Variants in ARID1B observed in about 807,000 individuals in gnomAD.
ARID1B encodes AT-rich interactive domain-containing protein 1B.
A neutral mutation model predicts 212.3 loss-of-function variants in ARID1B; 30 were observed. That is an observed-to-expected ratio of 0.14 (90% CI 0.11 to 0.19). The LOEUF is 0.19. Ranked by LOEUF, ARID1B falls within the 10% of genes least tolerant of loss-of-function variation. The probability of loss-of-function intolerance (pLI) is 1.00; values close to 1 mark genes in which losing one functional copy is unlikely to be tolerated. For synonymous variants in ARID1B, 1,402 were observed against 1,301.7 expected (o/e 1.08, Z -1.66); for missense variants, 2,891 against 3,204.0 (o/e 0.90, Z 2.36).
intron 1 of ARID1B, among the ~76,000 whole-genome samples, chr6:156,786,341 T>G (rs534416780): frequency 9.2e-5 from 14 of 152,326 alleles, no homozygotes; most frequent in Admixed American, 3.9e-4. Flanking sequence ...TTTTTACTTT[T>G]TAGTCCTCTG....
intron 4 of ARID1B, among the ~76,000 whole-genome samples, chr6:156,995,937 T>C (rs1472603199): frequency 6.6e-6 from 1 of 152,210 alleles, no homozygotes; most frequent in African/African-American, 2.4e-5. Flanking sequence ...AAGAATTCAC[T>C]TGAGTGATGA....
At chr6:157,044,917 T>C (rs1254952769) in intron 4 of ARID1B, among the ~76,000 whole-genome samples, 1 of 152,130 alleles carries the variant, frequency 6.6e-6, no homozygotes, top group African/African-American at 2.4e-5. Flanking sequence ...GTCTAGAAAA[T>C]ACAGGTTCCA....
chr6:156,998,787 A>G (rs1778751345), intron 4 of ARID1B, among the ~76,000 whole-genome samples: 1 of 152,154 alleles, frequency 6.6e-6, no homozygotes, highest in South Asian at 2.1e-4. Context: ...CAACAACTGC[A>G]TTTTCTCTGG....
intron 2 of ARID1B, among the ~76,000 whole-genome samples, chr6:156,850,044 A>G (rs1050498696): frequency 2.0e-5 from 3 of 148,660 alleles, no homozygotes; most frequent in African/African-American, 7.5e-5. Flanking sequence ...GACAACTTTA[A>G]GCACATAGTT....
chr6:156,987,268 A>G (rs1777979927), intron 4 of ARID1B, among the ~76,000 whole-genome samples: 1 of 152,106 alleles, frequency 6.6e-6, no homozygotes, highest in Non-Finnish European at 1.5e-5. Context: ...CTTCCATTCT[A>G]GAGAGATAAT....
chr6:157,140,722 C>T (rs1176914613), intron 7 of ARID1B: 10 of 398,302 alleles, frequency 2.5e-5, no homozygotes, highest in Admixed American at 4.4e-5. Context: ...CTTGCTGCCT[C>T]GATGTCAGAT....
intron 4 of ARID1B, among the ~76,000 whole-genome samples, chr6:157,003,993 G>A (rs548709808): frequency 2.6e-5 from 4 of 151,700 alleles, no homozygotes; most frequent in Admixed American, 6.6e-5. Flanking sequence ...AAATTAGCCC[G>A]GTGTGGTGGT....
intron 1 of ARID1B, among the ~76,000 whole-genome samples, chr6:156,817,023 T>G (rs1481712079): frequency 6.6e-6 from 1 of 151,472 alleles, no homozygotes. Flanking sequence ...GAAGGGAAGA[T>G]TCTAGAATTA....
Position 157,004,897 on chromosome 6 carries a change from CTTTTTTTTTT to C in ARID1B, c.2247+69346_2247+69355del, listed in dbSNP as rs1177807875. Among the ~76,000 whole-genome samples, 21 of 54,722 alleles carry C rather than the reference CTTTTTTTTTT, an allele frequency of 3.8e-4. 1 individual carries two copies. Among genetic ancestry groups the C allele is most frequent in the South Asian group, 2.7e-3 (6 of 2,234 alleles). The allele number at this position is 54,722 out of a possible 152,430, so 35.9% of individuals were successfully genotyped here. On this transcript the variant is annotated intron_variant, in intron 4 of 19. Transcript: ENST00000636930. ...TTTTTTCTTTTTCTTCTTCTTTTTT[CTTTTTTTTTT>C]TTTTTTTTTTTTTTTTTTTTTTTTG... is the stretch of plus-strand genomic sequence containing the variant.
chr6:157,152,562 A>G (rs1447489114), intron 8 of ARID1B, among the ~76,000 whole-genome samples: 1 of 152,194 alleles, frequency 6.6e-6, no homozygotes, highest in Non-Finnish European at 1.5e-5. Context: ...TTTTATTTCT[A>G]TTTTAAATCT....
intron 8 of ARID1B, among the ~76,000 whole-genome samples, chr6:157,159,994 A>C (rs1163435286): frequency 6.6e-6 from 1 of 152,218 alleles, no homozygotes; most frequent in Non-Finnish European, 1.5e-5. Context: ...TCAGCTACCA[A>C]AGGTTTTGGG....
Position 157,181,094 on chromosome 6 carries a change from C to G in ARID1B, c.3630C>G (p.Val1210=), listed in dbSNP as rs2128317343. The G allele has an allele frequency of 6.2e-7, 1 of 1,614,232 alleles. No individual in the cohort carries two copies. The highest frequency in any genetic ancestry group is 8.5e-7 in the Non-Finnish European group (1 of 1,180,044). Residue 1210 remains valine, a synonymous_variant, in exon 12 of 20, where the codon GTC becomes GTG. Coordinates refer to ENST00000636930, the MANE Select transcript of ARID1B (RefSeq NM_001374828.1). ...TCATGGAAGAGAGAGGCTCTCCTGT[C>G]TCAAGTCTGCCTGCCGTGGGCAAGA... ...LTFMEERGSP[V]SSLPAVGKKP...
At chr6:157,079,027 C>A (rs916911156) in intron 4 of ARID1B, among the ~76,000 whole-genome samples, 5 of 152,126 alleles carry the variant, frequency 3.3e-5, no homozygotes, top group African/African-American at 1.2e-4. Context: ...TAACATCAAC[C>A]TTTTTTTCCA....
At chr6:156,942,035 A>G (rs1455830908) in intron 4 of ARID1B, 2 of 152,238 alleles carry the variant, frequency 1.3e-5, no homozygotes, top group African/African-American at 4.8e-5. Flanking sequence ...CATGCCCCTG[A>G]AAACTTTTTC....
chr6:157,196,394 C>T (rs2128358477), intron 16 of ARID1B, 79 bp downstream of exon 16: 1 of 1,502,500 alleles, frequency 6.7e-7, no homozygotes, highest in African/African-American at 1.4e-5. Flanking sequence ...TGAGCCCTGG[C>T]AGCTGAGCCA....
rs375125930 is a variant in ARID1B at position 156,998,515 on chromosome 6, G to T, written c.2247+62939G>T. Among the ~76,000 whole-genome samples the T allele has an allele frequency of 5.3e-5, 8 of 152,246 alleles. No homozygotes were observed. In the South Asian group the frequency reaches 1.0e-3, roughly 20 times the overall value. The stretch of plus-strand genomic sequence containing the variant: ...TGGGATTACAGGCGTGAGCCACCGC[G>T]CCTGGCTCTTGTTCTCTTTTGAAAG... On this transcript the variant is annotated intron_variant, in intron 4 of 19. Coordinates refer to ENST00000636930, the MANE Select transcript of ARID1B (RefSeq NM_001374828.1).
chr6:156,954,670 G>GT (rs1330771650), intron 4 of ARID1B, among the ~76,000 whole-genome samples: 5 of 151,758 alleles, frequency 3.3e-5, no homozygotes, highest in South Asian at 2.1e-4. Context: ...TTTTTTGTTT[G>GT]TTTTTTTAAA....
At chr6:156,826,628 TC>T (rs201363053) in intron 1 of ARID1B, among the ~76,000 whole-genome samples, 2,749 of 152,262 alleles carry the variant, frequency 0.018, 39 homozygotes, top group Non-Finnish European at 0.031. Context: ...CTGGCAGTTC[TC>T]GGGGTCTGTG....
At chr6:157,020,052 A>G (rs1780129011) in intron 4 of ARID1B, among the ~76,000 whole-genome samples, 3 of 152,192 alleles carry the variant, frequency 2.0e-5, no homozygotes, top group African/African-American at 7.2e-5. Flanking sequence ...AATTGGCACA[A>G]CTTGGAGGAT....
Sources: allele counts gnomAD v4.1 joint callset (sites outside exome capture counted in the v4.1 genomes callset), GRCh38; gene constraint gnomAD v4.1.1; transcripts MANE v1.5; gene names NCBI Gene and HGNC (gene_info 2026-07-23, HGNC 2026-07-21).